Variants in KPNA6 observed in about 807,000 individuals in gnomAD.
KPNA6 encodes the protein importin subunit alpha-7.
Under a neutral mutation model 72.0 loss-of-function variants are expected in KPNA6, and 9 were observed. The ratio of observed to expected loss-of-function variants is 0.13; its 90% CI spans 0.08 to 0.22. KPNA6 has a LOEUF of 0.22. KPNA6 is among the 10% of genes least tolerant of loss of function. The pLI, the probability that KPNA6 is intolerant of heterozygous loss-of-function variation, is 1.00. For synonymous variants in KPNA6, 219 were observed against 242.1 expected (o/e 0.90, Z 0.89); for missense variants, 374 against 655.7 (o/e 0.57, Z 4.69).
intron 1 of KPNA6, among the ~76,000 whole-genome samples, chr1:32,154,199 C>T (rs375885695): frequency 3.3e-5 from 5 of 151,190 alleles, no homozygotes; most frequent in African/African-American, 7.3e-5. Context: ...CCTGGGATTA[C>T]GGGTGGGAGC....
chr1:32,108,371 C>T (rs532070328), intron 1 of KPNA6, among the ~76,000 whole-genome samples: 5 of 152,372 alleles, frequency 3.3e-5, no homozygotes, highest in Non-Finnish European at 5.9e-5. Flanking sequence ...TGGAGCCCCC[C>T]ACATGGTGGC....
rs1642334117 is a variant in KPNA6, at chr1:32,166,135, C to G, written c.1021C>G (p.Leu341Val). Residue 341 changes from leucine to valine, a missense_variant, in exon 11 of 14, where the codon CTT becomes GTT. By Grantham distance (32) the Leu-to-Val change is conservative (BLOSUM62 1). Around this residue, in one of 3 missense-constraint regions of KPNA6, gnomAD observed 298 missense variants for 495.4 expected, o/e 0.60. Coordinates refer to ENST00000373625, the MANE Select transcript of KPNA6 (RefSeq NM_012316.5). ...VILNCSALPC[L>V]LHLLSSPKES... ...TCTTAACTGTTCAGCCCTACCTTGC[C>G]TTCTCCACTTGTTGAGCAGTCCCAA... The G allele has an allele frequency of 6.2e-7, 1 of 1,613,886 alleles. No homozygotes were observed. The highest frequency in any genetic ancestry group is 1.3e-5 in the African/African-American group (1 of 74,854).
chr1:32,111,166 A>G (rs1641238486), intron 1 of KPNA6, among the ~76,000 whole-genome samples: 1 of 152,140 alleles, frequency 6.6e-6, no homozygotes, highest in Non-Finnish European at 1.5e-5. Context: ...CCTCAAAGGG[A>G]AGGAACTAAT....
intron 6 of KPNA6, among the ~76,000 whole-genome samples, chr1:32,160,142 C>A (rs533781447): frequency 6.6e-6 from 1 of 152,116 alleles, no homozygotes; most frequent in Admixed American, 6.5e-5. Flanking sequence ...ACTAAAAATA[C>A]TAAAAAGTTA....
Position 32,119,013 on chromosome 1 carries a change from T to C in KPNA6, c.4+10879T>C, listed in dbSNP as rs1557457043. ...GTGTGTATACATATATATATATATA[T>C]ATATATATATATATATATATTTTTT... On this transcript the variant is annotated intron_variant, in intron 1 of 13. Transcript: ENST00000373625. Among the ~76,000 whole-genome samples the C allele has an allele frequency of 3.4e-3, 256 of 75,446 alleles. 1 individual carries two copies. Among genetic ancestry groups the C allele is most frequent in the East Asian group, 0.013 (37 of 2,764 alleles). 49.5% of individuals were successfully genotyped at this position (75,446 alleles called of 152,430 possible).
At chr1:32,110,669 G>T (rs1242217382) in intron 1 of KPNA6, among the ~76,000 whole-genome samples, 1 of 152,156 alleles carries the variant, frequency 6.6e-6, no homozygotes, top group East Asian at 1.9e-4. Context: ...GGCCGAGGCG[G>T]GTGGATCACC....
intron 1 of KPNA6, among the ~76,000 whole-genome samples, chr1:32,149,175 G>A (rs1384328500): frequency 6.6e-6 from 1 of 151,756 alleles, no homozygotes; most frequent in Non-Finnish European, 1.5e-5. Context: ...ATTTCAATAA[G>A]TGTACTTTTG....
chr1:32,154,448 T>G, intron 1 of KPNA6, 140 bp from the exon 2 acceptor site: 1 of 747,698 alleles, frequency 1.3e-6, no homozygotes, highest in Non-Finnish European at 2.2e-6. Flanking sequence ...GGTAGAGATG[T>G]CAGGTGCTAT....
chr1:32,151,991 A>G (rs2124049851), intron 1 of KPNA6, among the ~76,000 whole-genome samples: 1 of 152,358 alleles, frequency 6.6e-6, no homozygotes, highest in East Asian at 1.9e-4. Flanking sequence ...GGCTACATTC[A>G]CTATCAATAA....
At chr1:32,110,765 C>T (rs150070703) in intron 1 of KPNA6, among the ~76,000 whole-genome samples, 3,955 of 152,160 alleles carry the variant, frequency 0.026, 177 homozygotes, top group African/African-American at 0.089. Flanking sequence ...GGTATGGTGG[C>T]GTGCTCCTGT....
At chr1:32,155,761 C>T (rs60661816) in intron 2 of KPNA6, among the ~76,000 whole-genome samples, 1,888 of 151,666 alleles carry the variant, frequency 0.012, 37 homozygotes, top group African/African-American at 0.043. Context: ...AGGTCTCACT[C>T]TGTCACCCAG....
At chr1:32,116,253 C>T (rs1194602794) in intron 1 of KPNA6, among the ~76,000 whole-genome samples, 3 of 150,330 alleles carry the variant, frequency 2.0e-5, no homozygotes, top group Non-Finnish European at 4.4e-5. Flanking sequence ...CTGCAAGCTC[C>T]GCCTCCCGGG....
rs115738341 is a variant in KPNA6, at chr1:32,156,521, A to T, written c.139-332A>T. 6.8e-3 allele frequency among the ~76,000 whole-genome samples: 1,030 copies of T among 152,328 alleles called. 11 individuals carry two copies. The highest frequency in any genetic ancestry group is 0.024 in the African/African-American group (994 of 41,580). On this transcript the variant is annotated intron_variant, in intron 2 of 13. Coordinates refer to ENST00000373625, the MANE Select transcript of KPNA6 (RefSeq NM_012316.5). ...CTGGCAGCAGCGTATACAGCATGGA[A>T]TGGATGCACTGGACAAAGGATGTTC...
At position 32,143,124 on chromosome 1, in the gene KPNA6, G is replaced by A. The variant is rs1235810538; in HGVS notation, c.5-11464G>A. On this transcript the variant is annotated intron_variant, in intron 1 of 13. Transcript: ENST00000373625. ...CGGGCCTCAAAAGGAGTGCAGAGGT[G>A]CAGACACAGCTCACTTGCAGCCTCA... is the stretch of plus-strand genomic sequence containing the variant. 6.5e-6 allele frequency: 4 copies of A among 616,420 alleles called. No homozygotes were observed. The African/African-American group carries it at 7.6e-5, about 12-fold the overall frequency. The allele number at this position is 616,420 out of a possible 1,614,324, so 38.2% of individuals were successfully genotyped here.
intron 1 of KPNA6, among the ~76,000 whole-genome samples, chr1:32,126,301 C>T (rs951912968): frequency 2.7e-5 from 4 of 147,192 alleles, no homozygotes; most frequent in Non-Finnish European, 6.0e-5. Context: ...CCCCCACCCC[C>T]CATTTGAGGT....
At chr1:32,154,505 A>G in intron 1 of KPNA6, 83 bp from the exon 2 acceptor site, 1 of 1,470,074 alleles carries the variant, frequency 6.8e-7, no homozygotes, top group Non-Finnish European at 9.3e-7. Flanking sequence ...GGGGAGGGTG[A>G]AGGGTGGGTA....
intron 1 of KPNA6, among the ~76,000 whole-genome samples, chr1:32,150,148 T>TG (rs1642002891): frequency 6.7e-6 from 1 of 149,428 alleles, no homozygotes; most frequent in African/African-American, 2.5e-5. Context: ...TTTTTTTTTT[T>TG]TTGAGACAGG....
chr1:32,169,909 A>C lies in KPNA6; in HGVS notation c.1272A>C (p.Lys424Asn), dbSNP rs775674111. ...ACCTGGTCTCACTGGGCTGCATCAA[A>C]CCCCTATGTGACTTGCTGACTGTAA... The part of the protein sequence containing the change: ...IRYLVSLGCI[K>N]PLCDLLTVMD... The change falls in exon 13 of 14, where the codon AAA (lysine) becomes AAC (asparagine). Residue 424 changes from lysine (K) to asparagine (N), a missense_variant. Transcript: ENST00000373625. The C allele has an allele frequency of 6.2e-6, 10 of 1,613,750 alleles. No homozygotes were observed. Among genetic ancestry groups the C allele is most frequent in the African/African-American group, 2.7e-5 (2 of 74,800 alleles).
At chr1:32,119,802 T>G (rs1451316673) in intron 1 of KPNA6, among the ~76,000 whole-genome samples, 1 of 150,444 alleles carries the variant, frequency 6.6e-6, no homozygotes, top group Non-Finnish European at 1.5e-5. Flanking sequence ...TAGAGTGCAG[T>G]GGCACGATCT....
Sources: gnomAD v4.1 joint callset for allele counts (sites outside exome capture counted in the v4.1 genomes callset) on GRCh38, gnomAD v4.1.1 for gene constraint, gnomAD v4.1.1 regional missense constraint, MANE v1.5 for transcripts, NCBI Gene and HGNC (gene_info 2026-07-23, HGNC 2026-07-21) for gene names.